Variants in UPRT observed in about 807,000 individuals in gnomAD.
UPRT encodes uracil phosphoribosyltransferase homolog.
In UPRT, 5 loss-of-function variants were observed where a neutral mutation model predicts 22.6. The observed-to-expected ratio is 0.22, with a 90% CI of 0.12 to 0.47. The LOEUF is 0.47. Among genes scored for constraint, UPRT ranks in the 20% least tolerant of loss-of-function variants. The pLI, the probability that UPRT is intolerant of heterozygous loss-of-function variation, is 0.99. For synonymous variants in UPRT, 77 were observed against 87.7 expected (o/e 0.88, Z 0.68); for missense variants, 181 against 239.9 (o/e 0.75, Z 1.62).
intron 1 of UPRT, among the ~76,000 whole-genome samples, chrX:75,288,726 A>G (rs1416532878): frequency 8.9e-6 from 1 of 111,778 alleles, no homozygotes; most frequent in Non-Finnish European, 1.9e-5. Flanking sequence ...CCCACAGCCA[A>G]CACTGTACTG....
chrX:75,260,988 T>A (rs1278626853), intron 4 of UPRT, among the ~76,000 whole-genome samples: 1 of 112,006 alleles, frequency 8.9e-6, no homozygotes, highest in Non-Finnish European at 1.9e-5. Context: ...CTAAACAACT[T>A]GCTCCTGAAT....
chrX:75,212,063 C>A (rs1237893217), intron 4 of UPRT, among the ~76,000 whole-genome samples: 1 of 111,619 alleles, frequency 9.0e-6, no homozygotes. Context: ...TTTCTCTCAG[C>A]AGAATATGAT....
At chrX:75,299,950 G>A in intron 5 of UPRT, 54 bp downstream of exon 5, 2 of 1,156,583 alleles carry the variant, frequency 1.7e-6, no homozygotes, top group South Asian at 4.0e-5. Flanking sequence ...ATTCAACTTA[G>A]TGCCTGCCTC....
chrX:75,161,995 A>C (rs1200456650), intron 2 of UPRT, among the ~76,000 whole-genome samples: 1 of 111,858 alleles, frequency 8.9e-6, no homozygotes, highest in Non-Finnish European at 1.9e-5. Context: ...TGTAGATGGC[A>C]CAATAAGAAT....
chrX:75,206,089 C>G (rs1389201346), intron 4 of UPRT, among the ~76,000 whole-genome samples: 1 of 111,398 alleles, frequency 9.0e-6, no homozygotes, highest in Non-Finnish European at 1.9e-5. Flanking sequence ...ATGTTTACAG[C>G]CTTTGCCAGC....
intron 4 of UPRT, among the ~76,000 whole-genome samples, chrX:75,217,827 T>A (rs1190449923): frequency 8.9e-6 from 1 of 112,257 alleles, no homozygotes; most frequent in Non-Finnish European, 1.9e-5. Flanking sequence ...GAAAACTGGC[T>A]AGCCAGATGT....
At chrX:75,167,373 C>T (rs2082215831) in intron 3 of UPRT, among the ~76,000 whole-genome samples, 2 of 111,703 alleles carry the variant, frequency 1.8e-5, no homozygotes, top group Admixed American at 1.9e-4. Flanking sequence ...TTTCCCCACA[C>T]CGGATCTCCT....
chrX:75,264,407 CT>C (rs2082579679), intron 4 of UPRT, among the ~76,000 whole-genome samples: 1 of 111,654 alleles, frequency 9.0e-6, no homozygotes, highest in Non-Finnish European at 1.9e-5. Flanking sequence ...CTGGGTGCTC[CT>C]GTATTGGGTG....
At chrX:75,207,412 T>C (rs990521758) in intron 4 of UPRT, among the ~76,000 whole-genome samples, 3 of 111,555 alleles carry the variant, frequency 2.7e-5, no homozygotes, top group African/African-American at 6.5e-5. Flanking sequence ...AGAGCTTCCA[T>C]TAATGAACCA....
intron 4 of UPRT, among the ~76,000 whole-genome samples, chrX:75,243,072 G>A (rs1012117407): frequency 6.5e-4 from 72 of 110,211 alleles, no homozygotes; most frequent in African/African-American, 2.2e-3. Flanking sequence ...ATTTGGTTTT[G>A]TGCCTTCATC....
At position 75,282,803 on chromosome X, in the gene UPRT, A is replaced by G. The variant is rs150027859; in HGVS notation, c.386+8163A>G. ...CTGTTAAGTCAATTTGTTCCGAGGTATAGTTTAAATCCATTGTTTCTTTGT... is the reference window on the plus strand; with the variant it reads ...CTGTTAAGTCAATTTGTTCCGAGGTGTAGTTTAAATCCATTGTTTCTTTGT... On this transcript the variant is annotated intron_variant, in intron 1 of 6. Coordinates refer to ENST00000373383, the MANE Select transcript of UPRT (RefSeq NM_145052.4). 4.5e-5 allele frequency among the ~76,000 whole-genome samples: 5 copies of G among 111,455 alleles called. No individual in the cohort carries two copies. The Admixed American group carries it at 4.8e-4, about 11-fold the overall frequency.
At chrX:75,190,789 G>A (rs771784737) in intron 4 of UPRT, among the ~76,000 whole-genome samples, 9 of 111,692 alleles carry the variant, frequency 8.1e-5, no homozygotes, top group South Asian at 3.8e-4. Context: ...AAGCTTGTGC[G>A]TTCATCACAT....
intron 4 of UPRT, among the ~76,000 whole-genome samples, chrX:75,199,850 C>T (rs180891682): frequency 1.8e-5 from 2 of 112,032 alleles, no homozygotes; most frequent in East Asian, 2.8e-4. Flanking sequence ...CCCTTCAACC[C>T]GTCACCAACA....
intron 4 of UPRT, among the ~76,000 whole-genome samples, chrX:75,248,612 G>A (rs2082515935): frequency 8.9e-6 from 1 of 111,954 alleles, no homozygotes; most frequent in Admixed American, 9.5e-5. Flanking sequence ...CGGGGAGAAT[G>A]GAACCAAGTT....
intron 4 of UPRT, among the ~76,000 whole-genome samples, chrX:75,241,289 G>T (rs1445749405): frequency 3.6e-5 from 4 of 111,193 alleles, no homozygotes; most frequent in African/African-American, 1.3e-4. Context: ...ATTCCCAAAA[G>T]AAGATATACA....
In UPRT at chrX:75,258,225, T is replaced by G. The variant is rs1258016136; in HGVS notation, c.-446-32799T>G. 4.8e-5 allele frequency among the ~76,000 whole-genome samples: 5 copies of G among 103,993 alleles called. No individual in the cohort carries two copies. In the East Asian group the frequency reaches 1.6e-3, roughly 33 times the overall value. The allele number at this position is 103,993 out of a possible 115,157, so 90.3% of individuals were successfully genotyped here. ...TTTTTTTTTTCCTTTTTTCTTTCTT[T>G]TTTTTTTTTCCATACGCCAGTAGCG... On this transcript the variant is annotated intron_variant, in intron 4 of 13. Coordinates refer to the UPRT transcript ENST00000652605.
intron 4 of UPRT, among the ~76,000 whole-genome samples, chrX:75,183,127 C>A (rs1240179858): frequency 9.0e-6 from 1 of 110,713 alleles, no homozygotes; most frequent in East Asian, 2.8e-4. Flanking sequence ...CACCCATTAA[C>A]TCATCATTTA....
At chrX:75,293,419 C>A in intron 1 of UPRT, 53 bp from the exon 2 acceptor site, 1 of 1,109,350 alleles carries the variant, frequency 9.0e-7, no homozygotes, top group Non-Finnish European at 1.2e-6. Context: ...TATTAAATAA[C>A]ATTTTGCCTT....
Position 75,274,455 on chromosome X carries a change from G to T in UPRT, c.201G>T (p.Gly67=), listed in dbSNP as rs1368360966. The T allele has an allele frequency of 8.3e-7, 1 of 1,210,994 alleles. No homozygotes were observed. The highest frequency in any genetic ancestry group is 3.0e-5 in the East Asian group (1 of 33,777). ...HSSLPAELDS[G]ACGGSSLNSE... Reference sequence around the variant, plus strand: ...GCCTGCCGGCCGAGCTGGACTCTGGGGCCTGCGGCGGCTCCAGCCTCAACT... The same window carrying T: ...GCCTGCCGGCCGAGCTGGACTCTGGTGCCTGCGGCGGCTCCAGCCTCAACT... Residue 67 remains glycine, a synonymous_variant, in exon 1 of 7, where the codon GGG becomes GGT. Transcript: ENST00000373383.
Sources: gnomAD v4.1 joint callset for allele counts (sites outside exome capture counted in the v4.1 genomes callset) on GRCh38, gnomAD v4.1.1 for gene constraint, MANE v1.5 for transcripts, NCBI Gene and HGNC (gene_info 2026-07-23, HGNC 2026-07-21) for gene names.